Variants in CCSER1 observed in about 807,000 individuals in gnomAD.
The protein encoded by CCSER1 is coiled-coil serine rich protein 1.
Under a neutral mutation model 82.0 loss-of-function variants are expected in CCSER1, and 41 were observed. That is an observed-to-expected ratio of 0.50 (90% confidence interval 0.39 to 0.65). The LOEUF (loss-of-function observed/expected upper bound fraction) is 0.65, where lower values mean the gene tolerates loss of function less well. Among genes scored for constraint, CCSER1 ranks in the 30% least tolerant of loss-of-function variants. The probability of loss-of-function intolerance (pLI) is 0.00; values close to 1 mark genes in which losing one functional copy is unlikely to be tolerated. For missense variants in CCSER1, 1,119 were observed against 1,064.2 expected (o/e 1.05, Z -0.72); for synonymous variants, 414 against 383.9 (o/e 1.08, Z -0.92).
chr4:91,549,287 T>A (rs1446106873), intron 10 of CCSER1, among the ~76,000 whole-genome samples: 1 of 152,168 alleles, frequency 6.6e-6, no homozygotes, highest in Non-Finnish European at 1.5e-5. Context: ...CTAATAAAGA[T>A]CTTAGCATAT....
Position 90,326,081 on chromosome 4 carries a change from C to T in CCSER1, c.1509+13034C>T, listed in dbSNP as rs547500155. On this transcript the variant is annotated intron_variant, in intron 3 of 10. Coordinates refer to ENST00000509176, the MANE Select transcript of CCSER1 (RefSeq NM_001145065.2). ...TTTTTTTTTTTTTTTTTTTTTGAGA[C>T]GGAATCTCACTCTTTCACCCAGGCT... is the stretch of plus-strand genomic sequence containing the variant. Among the ~76,000 whole-genome samples, 7 of 109,304 alleles carry T rather than the reference C, an allele frequency of 6.4e-5. No individual in the cohort carries two copies. In the East Asian group the frequency reaches 8.0e-4, roughly 12 times the overall value. 71.7% of individuals were successfully genotyped at this position (109,304 alleles called of 152,430 possible).
intron 10 of CCSER1, among the ~76,000 whole-genome samples, chr4:91,403,642 A>C (rs1284376943): frequency 6.6e-6 from 1 of 152,148 alleles, no homozygotes; most frequent in South Asian, 2.1e-4. Flanking sequence ...TTCTGCATCC[A>C]TTGAGGTAAT....
chr4:91,595,515 T>A (rs1422432758), intron 10 of CCSER1, among the ~76,000 whole-genome samples: 1 of 152,144 alleles, frequency 6.6e-6, no homozygotes, highest in African/African-American at 2.4e-5. Context: ...ATTATATTGT[T>A]ACTGTGATGA....
intron 10 of CCSER1, among the ~76,000 whole-genome samples, chr4:91,362,683 G>A (rs537032711): frequency 2.0e-4 from 30 of 151,866 alleles, no homozygotes; most frequent in African/African-American, 6.3e-4. Flanking sequence ...AACTTTACAA[G>A]TATGCAGAGC....
intron 1 of CCSER1, among the ~76,000 whole-genome samples, chr4:90,274,447 G>A (rs1727171472): frequency 6.6e-6 from 1 of 152,026 alleles, no homozygotes; most frequent in Non-Finnish European, 1.5e-5. Flanking sequence ...TTATCTATCA[G>A]CTTTGCTGTT....
intron 5 of CCSER1, among the ~76,000 whole-genome samples, chr4:90,569,733 C>A (rs1347144073): frequency 4.6e-5 from 7 of 152,214 alleles, no homozygotes; most frequent in Admixed American, 3.9e-4. Context: ...TCTCTCAAGG[C>A]TCTCCATCTT....
At chr4:91,154,306 G>C (rs1298665880) in intron 10 of CCSER1, among the ~76,000 whole-genome samples, 1 of 152,082 alleles carries the variant, frequency 6.6e-6, no homozygotes, top group African/African-American at 2.4e-5. Flanking sequence ...GGGACCCTCT[G>C]AGCCAGGCAC....
At chr4:90,590,940 A>G (rs1402732914) in intron 5 of CCSER1, among the ~76,000 whole-genome samples, 2 of 151,992 alleles carry the variant, frequency 1.3e-5, no homozygotes, top group Admixed American at 6.6e-5. Flanking sequence ...GCGTGGAACT[A>G]TTTTCCATTT....
At chr4:90,411,590 C>CTG (rs1274704770) in intron 4 of CCSER1, among the ~76,000 whole-genome samples, 1 of 152,082 alleles carries the variant, frequency 6.6e-6, no homozygotes, top group Non-Finnish European at 1.5e-5. Context: ...GTGCTAAAAA[C>CTG]TCAATAAATT....
intron 1 of CCSER1, among the ~76,000 whole-genome samples, chr4:90,244,168 C>T (rs1046953282): frequency 2.6e-5 from 4 of 152,094 alleles, no homozygotes; most frequent in African/African-American, 7.2e-5. Flanking sequence ...GGTTATTTAA[C>T]AGATATTGTA....
At chr4:91,132,961 T>G (rs1003263077) in intron 10 of CCSER1, among the ~76,000 whole-genome samples, 2 of 152,144 alleles carry the variant, frequency 1.3e-5, no homozygotes, top group African/African-American at 4.8e-5. Flanking sequence ...TCTGACTTCT[T>G]GGGGATATAA....
intron 10 of CCSER1, among the ~76,000 whole-genome samples, chr4:91,438,726 A>T (rs943265806): frequency 6.6e-6 from 1 of 152,136 alleles, no homozygotes; most frequent in African/African-American, 2.4e-5. Context: ...AAGAAGTAAA[A>T]CTTTCAAAAA....
chr4:91,331,099 A>T (rs1314491614), intron 10 of CCSER1, among the ~76,000 whole-genome samples: 1 of 152,206 alleles, frequency 6.6e-6, no homozygotes, highest in East Asian at 1.9e-4. Context: ...ATCCTTCAAG[A>T]TAAGGGGGAA....
intron 6 of CCSER1, among the ~76,000 whole-genome samples, chr4:90,675,734 TTTTTTA>T (rs1733766290): frequency 9.9e-4 from 1 of 1,006 alleles, no homozygotes; most frequent in African/African-American, 3.4e-3. Flanking sequence ...TTTTTTTTTT[TTTTTTA>T]TTATACTCTA....
intron 10 of CCSER1, among the ~76,000 whole-genome samples, chr4:91,491,973 C>T (rs1345872889): frequency 7.4e-6 from 1 of 134,594 alleles, no homozygotes; most frequent in African/African-American, 2.7e-5. Context: ...TTTTGCAATG[C>T]GGCAATGTAT....
intron 1 of CCSER1, among the ~76,000 whole-genome samples, chr4:90,214,012 T>C (rs1740540626): frequency 6.6e-6 from 1 of 152,170 alleles, no homozygotes; most frequent in Non-Finnish European, 1.5e-5. Context: ...TTTTTAAGGT[T>C]AATACATTAT....
At chr4:90,991,706 C>T (rs1240246706) in intron 9 of CCSER1, among the ~76,000 whole-genome samples, 1 of 151,998 alleles carries the variant, frequency 6.6e-6, no homozygotes, top group African/African-American at 2.4e-5. Flanking sequence ...AAGTCACGTC[C>T]ATAGCTATGA....
intron 10 of CCSER1, among the ~76,000 whole-genome samples, chr4:91,288,161 T>C (rs1276058851): frequency 5.9e-5 from 7 of 119,322 alleles, no homozygotes; most frequent in Middle Eastern, 4.6e-3. Flanking sequence ...TATATATATA[T>C]ACATACACAC....
intron 5 of CCSER1, among the ~76,000 whole-genome samples, chr4:90,549,015 TTA>T (rs1777135351): frequency 1.3e-5 from 2 of 152,104 alleles, no homozygotes; most frequent in African/African-American, 4.8e-5. Flanking sequence ...AACAACAGTC[TTA>T]GGAACACACT....
Sources: gnomAD v4.1 joint callset for allele counts (sites outside exome capture counted in the v4.1 genomes callset) on GRCh38, gnomAD v4.1.1 for gene constraint, MANE v1.5 for transcripts, NCBI Gene and HGNC (gene_info 2026-07-23, HGNC 2026-07-21) for gene names.